Variants in MAP3K13 observed in about 807,000 individuals in gnomAD.
MAP3K13 encodes the protein mitogen-activated protein kinase kinase kinase 13.
A neutral mutation model predicts 104.0 loss-of-function variants in MAP3K13; 52 were observed. The observed-to-expected ratio is 0.50, with a 90% confidence interval of 0.40 to 0.63. The LOEUF (loss-of-function observed/expected upper bound fraction) is 0.63, where lower values mean the gene tolerates loss of function less well. Ranked by LOEUF, MAP3K13 falls within the 20% of genes least tolerant of loss-of-function variation. The pLI is 0.00. For missense variants in MAP3K13, 914 were observed against 1,218.5 expected, an observed-to-expected ratio of 0.75 and a Z score of 3.72; for synonymous variants, 394 against 442.2, an observed-to-expected ratio of 0.89 and a Z score of 1.37.
chr3:185,454,881 A>ATGATATATATATGAGATATATATC (rs1560117766), intron 7 of MAP3K13, among the ~76,000 whole-genome samples: 2 of 58,220 alleles, frequency 3.4e-5, no homozygotes, highest in East Asian at 1.2e-3. Flanking sequence ...AGATATATAT[A>ATGATATATATATGAGATATATATC]TGATATATAT....
chr3:185,344,213 G>A (rs1722830333), intron 2 of MAP3K13, among the ~76,000 whole-genome samples: 1 of 152,232 alleles, frequency 6.6e-6, no homozygotes, highest in Non-Finnish European at 1.5e-5. Context: ...AGGCACATGT[G>A]CCTAGTATCT....
chr3:185,475,214 A>T (rs913900234), intron 11 of MAP3K13, among the ~76,000 whole-genome samples: 30 of 152,298 alleles, frequency 2.0e-4, no homozygotes, highest in African/African-American at 7.2e-4. Flanking sequence ...TAAAGACTAC[A>T]TGCATAAATA....
At chr3:185,327,943 G>A (rs1222658105) in intron 2 of MAP3K13, among the ~76,000 whole-genome samples, 1 of 138,052 alleles carries the variant, frequency 7.2e-6, no homozygotes, top group East Asian at 2.4e-4. Flanking sequence ...AAGGAAGGAA[G>A]CAGGAAGGAG....
At chr3:185,462,274 G>C (rs1227953351) in intron 7 of MAP3K13, among the ~76,000 whole-genome samples, 1 of 151,946 alleles carries the variant, frequency 6.6e-6, no homozygotes, top group Non-Finnish European at 1.5e-5. Flanking sequence ...CTAAAATTTA[G>C]GTAAAATTAG....
chr3:185,405,660 C>T (rs1450369839), intron 1 of MAP3K13, among the ~76,000 whole-genome samples: 1 of 152,194 alleles, frequency 6.6e-6, no homozygotes, highest in Non-Finnish European at 1.5e-5. Flanking sequence ...TCTTCAAGGC[C>T]TCACTTTCTT....
intron 1 of MAP3K13, among the ~76,000 whole-genome samples, chr3:185,368,281 A>G (rs1723986397): frequency 6.6e-6 from 1 of 152,242 alleles, no homozygotes; most frequent in Non-Finnish European, 1.5e-5. Flanking sequence ...ACCAGGTAGT[A>G]TATGTTATAT....
At position 185,335,325 on chromosome 3, in the gene MAP3K13, T is replaced by C. The variant is rs9819999; in HGVS notation, c.-86+49682T>C. On this transcript the variant is annotated intron_variant, in intron 2 of 14. Coordinates refer to the MAP3K13 transcript ENST00000424227. ...TGAGAGCTATAATAAGCCCCCTCTTTGATACAAAATAATGTAATTGGATCC... is the reference window on the plus strand; with the variant it reads ...TGAGAGCTATAATAAGCCCCCTCTTCGATACAAAATAATGTAATTGGATCC... Among the ~76,000 whole-genome samples, 874 of 152,288 alleles carry C rather than the reference T, an allele frequency of 5.7e-3. 7 individuals carry two copies. The highest frequency in any genetic ancestry group is 0.019 in the African/African-American group (783 of 41,552).
intron 5 of MAP3K13, among the ~76,000 whole-genome samples, chr3:185,448,319 A>T (rs576460362): frequency 6.6e-6 from 1 of 152,344 alleles, no homozygotes; most frequent in South Asian, 2.1e-4. Flanking sequence ...TCAATGACTC[A>T]GGTCATCATT....
intron 7 of MAP3K13, among the ~76,000 whole-genome samples, chr3:185,453,856 T>TATATATATATGATACATATATATGAG (rs1560115654): frequency 0.046 from 197 of 4,248 alleles, 35 homozygotes; most frequent in African/African-American, 0.076. Context: ...ATATATGAGA[T>TATATATATATGATACATATATATGAG]ATATATATAT....
intron 2 of MAP3K13, among the ~76,000 whole-genome samples, chr3:185,339,026 A>G (rs1722620201): frequency 6.6e-6 from 1 of 152,242 alleles, no homozygotes; most frequent in Non-Finnish European, 1.5e-5. Flanking sequence ...AAATTATAAA[A>G]TGCTATCTCT....
chr3:185,454,706 TCA>T lies in MAP3K13; in HGVS notation c.1278+3312_1278+3313del, dbSNP rs1491427679. Among the ~76,000 whole-genome samples, 2 of 9,296 alleles carry T rather than the reference TCA, an allele frequency of 2.2e-4. 1 individual carries two copies. Among genetic ancestry groups the T allele is most frequent in the Non-Finnish European group, 1.1e-3 (2 of 1,866 alleles). The allele number at this position is 9,296 out of a possible 152,430, so 6.1% of individuals were successfully genotyped here. On this transcript the variant is annotated intron_variant, in intron 7 of 13. Coordinates refer to ENST00000265026, the MANE Select transcript of MAP3K13 (RefSeq NM_004721.5). Reference sequence around the variant, plus strand: ...ATGATATATATATGAGATATATATATCATATATGAGATATATATGATATATAT... The same window carrying T: ...ATGATATATATATGAGATATATATATTATATGAGATATATATGATATATAT...
intron 7 of MAP3K13, among the ~76,000 whole-genome samples, chr3:185,455,566 T>TATATGAG (rs1716549726): frequency 6.2e-5 from 1 of 16,086 alleles, no homozygotes; most frequent in African/African-American, 2.2e-4. Context: ...ATATATGAGA[T>TATATGAG]ATATATGACA....
intron 1 of MAP3K13, among the ~76,000 whole-genome samples, chr3:185,365,143 T>C (rs1723809855): frequency 6.6e-6 from 1 of 152,212 alleles, no homozygotes; most frequent in Non-Finnish European, 1.5e-5. Context: ...AAACTGTTAC[T>C]TTAAGGCACA....
intron 4 of MAP3K13, among the ~76,000 whole-genome samples, chr3:185,445,738 T>C (rs1231891098): frequency 1.3e-5 from 2 of 152,206 alleles, no homozygotes; most frequent in Non-Finnish European, 2.9e-5. Flanking sequence ...GAGATCTCAT[T>C]ACTTACATTA....
rs371369025 is a variant in MAP3K13, at chr3:185,347,578, A to AT, written c.-86+61941dup. On this transcript the variant is annotated intron_variant, in intron 2 of 14. Transcript: ENST00000424227. ...TTTCTCTTTCACATTTTTAAAACAC[A>AT]TTTTTTAAGTTTGCAGTAGATGGCA... is the stretch of plus-strand genomic sequence containing the variant. Among the ~76,000 whole-genome samples, 584 of 152,234 alleles carry AT rather than the reference A, an allele frequency of 3.8e-3. 1 individual carries two copies. Among genetic ancestry groups the AT allele is most frequent in the African/African-American group, 0.014 (563 of 41,536 alleles).
intron 2 of MAP3K13, among the ~76,000 whole-genome samples, chr3:185,294,419 C>T (rs1560036559): frequency 6.6e-6 from 1 of 152,150 alleles, no homozygotes; most frequent in African/African-American, 2.4e-5. Flanking sequence ...CCTGGAATTA[C>T]TTATTTAAAC....
At chr3:185,382,750 A>G (rs904056155) in intron 1 of MAP3K13, among the ~76,000 whole-genome samples, 2 of 152,142 alleles carry the variant, frequency 1.3e-5, no homozygotes, top group Non-Finnish European at 2.9e-5. Context: ...CATGCCTGTA[A>G]TCCCAGCACT....
At chr3:185,368,013 C>T (rs367942134) in intron 1 of MAP3K13, among the ~76,000 whole-genome samples, 1 of 152,158 alleles carries the variant, frequency 6.6e-6, no homozygotes, top group East Asian at 1.9e-4. Context: ...AAAAATTAGC[C>T]GGATGTGGTG....
intron 7 of MAP3K13, among the ~76,000 whole-genome samples, chr3:185,462,229 T>C (rs1012723270): frequency 1.3e-5 from 2 of 152,246 alleles, no homozygotes; most frequent in African/African-American, 2.4e-5. Flanking sequence ...CTATTGCCTG[T>C]AGGCCATATT....
Sources: allele counts gnomAD v4.1 joint callset (sites outside exome capture counted in the v4.1 genomes callset), GRCh38; gene constraint gnomAD v4.1.1; transcripts MANE v1.5; gene names NCBI Gene and HGNC (gene_info 2026-07-23, HGNC 2026-07-21).